CSTF3: variants seen among roughly 807,000 people sequenced by gnomAD.
CSTF3 encodes the protein cleavage stimulation factor subunit 3.
Under a neutral mutation model 105.8 loss-of-function variants are expected in CSTF3, and 29 were observed. That is an observed-to-expected ratio of 0.27 (90% CI 0.20 to 0.37). The LOEUF is 0.37. CSTF3 is among the 10% of genes least tolerant of loss of function. The probability of loss-of-function intolerance (pLI) is 1.00; values close to 1 mark genes in which losing one functional copy is unlikely to be tolerated. For missense variants in CSTF3, 357 were observed against 879.3 expected, an observed-to-expected ratio of 0.41 and a Z score of 7.51; for synonymous variants, 252 against 281.9, an observed-to-expected ratio of 0.89 and a Z score of 1.06.
At chr11:33,159,595 C>CAAAA (rs71034656) in intron 1 of CSTF3, among the ~76,000 whole-genome samples, 2,497 of 37,942 alleles carry the variant, frequency 0.066, 357 homozygotes, top group African/African-American at 0.16. Flanking sequence ...GGCTCCATCT[C>CAAAA]AAAAAAAAAA....
intron 3 of CSTF3, among the ~76,000 whole-genome samples, chr11:33,117,245 C>T (rs1452956017): frequency 6.6e-6 from 1 of 151,708 alleles, no homozygotes; most frequent in African/African-American, 2.4e-5. Flanking sequence ...AAGAGAACCC[C>T]AGAGTACTTG....
At chr11:33,150,848 C>A (rs998968771) in intron 1 of CSTF3, among the ~76,000 whole-genome samples, 1 of 149,638 alleles carries the variant, frequency 6.7e-6, no homozygotes, top group Non-Finnish European at 1.5e-5. Flanking sequence ...AGGGCCAGAC[C>A]CTGTCTCAAA....
chr11:33,135,282 A>G (rs1471930747), intron 3 of CSTF3, among the ~76,000 whole-genome samples: 1 of 152,176 alleles, frequency 6.6e-6, no homozygotes, highest in Non-Finnish European at 1.5e-5. Context: ...AGATGCTTCA[A>G]AGATCACTCG....
intron 1 of CSTF3, among the ~76,000 whole-genome samples, chr11:33,151,440 C>T (rs1855858201): frequency 6.6e-6 from 1 of 152,112 alleles, no homozygotes; most frequent in Admixed American, 6.6e-5. Context: ...CCTGCCTCGG[C>T]CTCTCAAAGT....
At chr11:33,118,079 G>C (rs1215621515) in intron 3 of CSTF3, among the ~76,000 whole-genome samples, 1 of 150,210 alleles carries the variant, frequency 6.7e-6, no homozygotes, top group African/African-American at 2.5e-5. Flanking sequence ...GACAGATTAG[G>C]GATTTTTTTT....
At chr11:33,100,668 AC>A (rs961882009) in intron 10 of CSTF3, among the ~76,000 whole-genome samples, 2 of 152,182 alleles carry the variant, frequency 1.3e-5, no homozygotes, top group Non-Finnish European at 2.9e-5. Context: ...TACTCTGAAA[AC>A]TTACAGCAGC....
Position 33,085,655 on chromosome 11 carries a change from A to T in CSTF3, c.1951+58T>A. On this transcript the variant is annotated intron_variant, in intron 20 of 20. Coordinates refer to ENST00000323959, the MANE Select transcript of CSTF3 (RefSeq NM_001326.3). ...TCAGTGGCAGAGAATAATAATCTCT[A>T]CTGCCTATGAGACAACAACGTGGAA... 2 of 1,404,510 alleles carry T rather than the reference A, an allele frequency of 1.4e-6. 1 individual carries two copies. Among genetic ancestry groups the T allele is most frequent in the African/African-American group, 2.8e-5 (2 of 70,600 alleles). 87.0% of individuals were successfully genotyped at this position (1,404,510 alleles called of 1,614,324 possible). A position where few individuals can be genotyped will look rare whatever the true frequency, so the allele number is the denominator to read the frequency against.
chr11:33,128,617 G>T (rs987942383), intron 3 of CSTF3, among the ~76,000 whole-genome samples: 2 of 151,838 alleles, frequency 1.3e-5, no homozygotes, highest in East Asian at 3.9e-4. Flanking sequence ...AATTCTAGAT[G>T]AGCTAATGAC....
At position 33,137,266 on chromosome 11, in the gene CSTF3, A is replaced by G. The variant is rs1031405242; in HGVS notation, c.225+4401T>C. Among the ~76,000 whole-genome samples, 4 of 151,978 alleles carry G rather than the reference A, an allele frequency of 2.6e-5. 1 individual carries two copies. The highest frequency in any genetic ancestry group is 9.6e-5 in the African/African-American group (4 of 41,548). ...TTGAAAATAAATGGCTACATTTCAC[A>G]TAAAAGAATTATCTAGAAATTATAA... On this transcript the variant is annotated intron_variant, in intron 3 of 20. Transcript: ENST00000323959.
At chr11:33,144,899 C>A in intron 1 of CSTF3, 2 of 247,478 alleles carry the variant, frequency 8.1e-6, no homozygotes, top group Non-Finnish European at 1.7e-5. Flanking sequence ...TCGCTTGAGC[C>A]CGGGAGGGAG....
intron 3 of CSTF3, among the ~76,000 whole-genome samples, chr11:33,125,428 G>A (rs1222834077): frequency 6.6e-6 from 1 of 152,084 alleles, no homozygotes; most frequent in Non-Finnish European, 1.5e-5. Flanking sequence ...CTCCAGAAAG[G>A]GTATGAATAA....
At chr11:33,086,895 A>C in intron 18 of CSTF3, 93 bp downstream of exon 18, 1 of 1,387,354 alleles carries the variant, frequency 7.2e-7, no homozygotes, top group Non-Finnish European at 1.0e-6. Flanking sequence ...ATTAACCCAC[A>C]ATTGAGAGGC....
chr11:33,121,830 T>C (rs566898361), intron 3 of CSTF3, among the ~76,000 whole-genome samples: 2 of 152,334 alleles, frequency 1.3e-5, no homozygotes, highest in African/African-American at 4.8e-5. Context: ...GATTCTACTA[T>C]ACAGGTCTAA....
chr11:33,115,004 C>T (rs928439987), intron 3 of CSTF3, among the ~76,000 whole-genome samples: 1 of 152,158 alleles, frequency 6.6e-6, no homozygotes, highest in African/African-American at 2.4e-5. Context: ...GGTTTTCAGA[C>T]AGTACTGGGC....
intron 1 of CSTF3, among the ~76,000 whole-genome samples, chr11:33,142,649 A>G (rs1855727447): frequency 6.6e-6 from 1 of 152,226 alleles, no homozygotes; most frequent in Admixed American, 6.5e-5. Flanking sequence ...AAGAGCTTTT[A>G]TGTGGGTTTT....
chr11:33,100,126 G>T (rs1855266640), intron 10 of CSTF3, among the ~76,000 whole-genome samples: 4 of 152,052 alleles, frequency 2.6e-5, no homozygotes, highest in Admixed American at 2.0e-4. Context: ...GGAGGCCAAG[G>T]CAGGCGGATC....
chr11:33,091,285 G>T (rs192940051), intron 16 of CSTF3, among the ~76,000 whole-genome samples: 2 of 152,116 alleles, frequency 1.3e-5, no homozygotes, highest in African/African-American at 4.8e-5. Context: ...GTGCCTCATC[G>T]TTGTTCTAAC....
intron 8 of CSTF3, among the ~76,000 whole-genome samples, chr11:33,104,637 T>C (rs906502397): frequency 2.8e-4 from 43 of 152,066 alleles, no homozygotes; most frequent in African/African-American, 1.0e-3. Flanking sequence ...TGGTGGGGCA[T>C]GCCTGTAGTC....
chr11:33,153,512 A>C (rs1471851), intron 1 of CSTF3, among the ~76,000 whole-genome samples: 84,384 of 151,692 alleles, frequency 0.56, 26,070 homozygotes, highest in Non-Finnish European at 0.69. Flanking sequence ...GTGGGTCACA[A>C]CTGTAATCTC....
Sources: allele counts gnomAD v4.1 joint callset (sites outside exome capture counted in the v4.1 genomes callset), GRCh38; gene constraint gnomAD v4.1.1; transcripts MANE v1.5; gene names NCBI Gene and HGNC (gene_info 2026-07-23, HGNC 2026-07-21).